Variants in DUSP14 observed in about 807,000 individuals in gnomAD.
DUSP14 encodes dual specificity phosphatase 14, also known as dual specificity protein phosphatase 14.
In DUSP14, 5 loss-of-function variants were observed where a neutral mutation model predicts 13.2. The ratio of observed to expected loss-of-function variants is 0.38; its 90% CI spans 0.20 to 0.80. The LOEUF (loss-of-function observed/expected upper bound fraction) is 0.80. Among genes scored for constraint, DUSP14 ranks in the 30% least tolerant of loss-of-function variants. DUSP14 has a pLI of 0.44. For synonymous variants in DUSP14, 91 were observed against 103.4 expected (o/e 0.88, Z 0.73); for missense variants, 185 against 264.0 (o/e 0.70, Z 2.07).
At chr17:37,498,358 G>A (rs1230397457) in intron 1 of DUSP14, among the ~76,000 whole-genome samples, 20 of 109,418 alleles carry the variant, frequency 1.8e-4, no homozygotes, top group African/African-American at 6.7e-4. Flanking sequence ...ACAGAGTCTC[G>A]CTCTGTCGCC....
chr17:37,507,032 T>C (rs554606122), intron 1 of DUSP14, among the ~76,000 whole-genome samples: 5 of 152,272 alleles, frequency 3.3e-5, no homozygotes, highest in Admixed American at 6.5e-5. Context: ...AGAGAAGCAG[T>C]GTGTGGACTT....
chr17:37,503,225 G>A (rs1268889040), intron 1 of DUSP14, among the ~76,000 whole-genome samples: 1 of 152,198 alleles, frequency 6.6e-6, no homozygotes, highest in African/African-American at 2.4e-5. Flanking sequence ...AGGAGTTTGA[G>A]ACCAGCGTGG....
In DUSP14 at chr17:37,508,814, A is replaced by G. The variant is rs147067248; in HGVS notation, c.-180-1863A>G. Among the ~76,000 whole-genome samples, 8 of 148,698 alleles carry G rather than the reference A, an allele frequency of 5.4e-5. No individual in the cohort carries two copies. In the East Asian group the frequency reaches 1.6e-3, roughly 29 times the overall value. On this transcript the variant is annotated intron_variant, in intron 1 of 2. Coordinates refer to ENST00000617516, the MANE Select transcript of DUSP14 (RefSeq NM_007026.4). Reference sequence around the variant, plus strand: ...TTTTTTTTTCAAAAACCATTTTAAAATGTTAAACATACGTGTCATAGGACC... The same window carrying G: ...TTTTTTTTTCAAAAACCATTTTAAAGTGTTAAACATACGTGTCATAGGACC...
intron 1 of DUSP14, among the ~76,000 whole-genome samples, chr17:37,496,289 T>G (rs910513419): frequency 6.6e-6 from 1 of 152,216 alleles, no homozygotes; most frequent in Non-Finnish European, 1.5e-5. Flanking sequence ...AAAATATTTT[T>G]TACTTTTAGA....
At chr17:37,506,846 T>C (rs1339607925) in intron 1 of DUSP14, among the ~76,000 whole-genome samples, 2 of 152,198 alleles carry the variant, frequency 1.3e-5, no homozygotes, top group African/African-American at 4.8e-5. Context: ...TTCCCTGTTC[T>C]GGCACTAGGG....
chr17:37,506,231 C>T (rs904253824), intron 1 of DUSP14, among the ~76,000 whole-genome samples: 1 of 152,058 alleles, frequency 6.6e-6, no homozygotes, highest in Non-Finnish European at 1.5e-5. Context: ...CGCCATTGCA[C>T]TCTAGTCTGG....
Position 37,508,129 on chromosome 17 carries a change from C to T in DUSP14, c.-180-2548C>T, listed in dbSNP as rs1212150226. 1.5e-4 allele frequency among the ~76,000 whole-genome samples: 23 copies of T among 152,340 alleles called. 1 individual carries two copies. Among genetic ancestry groups the T allele is most frequent in the South Asian group, 1.2e-3 (6 of 4,826 alleles). On this transcript the variant is annotated intron_variant, in intron 1 of 2. Transcript: ENST00000617516. ...GGGCTCCCAAAGCGAGGCCTAGCCT[C>T]GAGTGAGGAGGCAGCTCCCTTCAGA... is the stretch of plus-strand genomic sequence containing the variant.
chr17:37,499,304 C>T (rs1057051734), intron 1 of DUSP14, among the ~76,000 whole-genome samples: 9 of 152,206 alleles, frequency 5.9e-5, no homozygotes, highest in Admixed American at 2.6e-4. Context: ...CAGAGCCTAA[C>T]CATATCAGTT....
At chr17:37,509,126 TATAC>T (rs1314273450) in intron 1 of DUSP14, among the ~76,000 whole-genome samples, 42 of 44,514 alleles carry the variant, frequency 9.4e-4, no homozygotes, top group African/African-American at 1.2e-3. Context: ...TATATATATA[TATAC>T]ACACACACAC....
rs532189286 is a variant in DUSP14 at position 37,506,365 on chromosome 17, T to G, written c.-180-4312T>G. 2.0e-5 allele frequency among the ~76,000 whole-genome samples: 3 copies of G among 149,276 alleles called. No homozygotes were observed. The South Asian group carries it at 6.5e-4, about 32-fold the overall frequency. On this transcript the variant is annotated intron_variant, in intron 1 of 2. Transcript: ENST00000617516. ...TTCCTTTCTGTCTTTCACTCTACCC[T>G]ACCCCCATCCCCCAAGCCAGGAAAA...
At chr17:37,493,084 T>C (rs908697986) in intron 1 of DUSP14, among the ~76,000 whole-genome samples, 3 of 152,186 alleles carry the variant, frequency 2.0e-5, no homozygotes, top group Non-Finnish European at 4.4e-5. Context: ...TGCAGCATGC[T>C]ATTTTAAAAG....
intron 1 of DUSP14, among the ~76,000 whole-genome samples, chr17:37,493,690 G>C (rs79232301): frequency 1.4e-5 from 2 of 145,304 alleles, no homozygotes; most frequent in African/African-American, 5.1e-5. Context: ...TTTTTTTTTG[G>C]AACAGATGAG....
intron 1 of DUSP14, among the ~76,000 whole-genome samples, chr17:37,502,732 T>C (rs2054113264): frequency 6.6e-6 from 1 of 152,042 alleles, no homozygotes; most frequent in Non-Finnish European, 1.5e-5. Context: ...GGCCTCTCCG[T>C]GTGGTAGCTC....
At chr17:37,500,037 C>T (rs961643474) in intron 1 of DUSP14, among the ~76,000 whole-genome samples, 1 of 152,260 alleles carries the variant, frequency 6.6e-6, no homozygotes, top group Non-Finnish European at 1.5e-5. Context: ...ACAGTGCAGT[C>T]GGACTGCTCT....
chr17:37,493,080 A>G (rs960865091), intron 1 of DUSP14, among the ~76,000 whole-genome samples: 20 of 152,078 alleles, frequency 1.3e-4, no homozygotes, highest in East Asian at 3.9e-4. Flanking sequence ...TTTCTGCAGC[A>G]TGCTATTTTA....
intron 1 of DUSP14, among the ~76,000 whole-genome samples, chr17:37,503,916 C>CTA (rs2054120958): frequency 6.6e-6 from 1 of 152,132 alleles, no homozygotes; most frequent in African/African-American, 2.4e-5. Flanking sequence ...TGGGGCTGGG[C>CTA]GTGGTGGCCC....
chr17:37,492,302 G>C (rs751609725), intron 1 of DUSP14, among the ~76,000 whole-genome samples: 40 of 152,346 alleles, frequency 2.6e-4, no homozygotes, highest in Non-Finnish European at 4.1e-4. Flanking sequence ...ACGTCAAAGG[G>C]AGTGGAAGAC....
At chr17:37,504,984 C>T (rs899429478) in intron 1 of DUSP14, among the ~76,000 whole-genome samples, 4 of 152,150 alleles carry the variant, frequency 2.6e-5, no homozygotes, top group African/African-American at 4.8e-5. Flanking sequence ...CTCCGCCTCC[C>T]GGGTTCAAGC....
intron 1 of DUSP14, among the ~76,000 whole-genome samples, chr17:37,493,119 C>T (rs1330284311): frequency 2.0e-5 from 3 of 151,950 alleles, no homozygotes; most frequent in African/African-American, 7.3e-5. Context: ...TTGCCTATGC[C>T]TGTAGTTTTT....
Sources: gnomAD v4.1 joint callset for allele counts (sites outside exome capture counted in the v4.1 genomes callset) on GRCh38, gnomAD v4.1.1 for gene constraint, MANE v1.5 for transcripts, NCBI Gene and HGNC (gene_info 2026-07-23, HGNC 2026-07-21) for gene names.